STK3: variants seen among roughly 807,000 people sequenced by gnomAD.
STK3 encodes the protein serine/threonine kinase 3, also known as serine/threonine-protein kinase 3.
STK3 carries 41 observed loss-of-function variants against 58.0 expected under a neutral mutation model. That is an observed-to-expected ratio of 0.71 (90% CI 0.55 to 0.92). STK3 has a LOEUF of 0.92. Among genes scored for constraint, STK3 ranks in the 40% least tolerant of loss-of-function variants. The probability of loss-of-function intolerance (pLI) is 0.00; values close to 1 mark genes in which losing one functional copy is unlikely to be tolerated. For synonymous variants in STK3, 170 were observed against 191.0 expected (o/e 0.89, Z 0.91); for missense variants, 479 against 602.7 (o/e 0.79, Z 2.15).
intron 6 of STK3, among the ~76,000 whole-genome samples, chr8:98,638,755 A>G (rs1022798838): frequency 1.3e-5 from 2 of 152,196 alleles, no homozygotes; most frequent in African/African-American, 4.8e-5. Context: ...AGAGACAGGC[A>G]GCAGTGGGGT....
At chr8:98,650,385 C>A (rs903597929) in intron 6 of STK3, among the ~76,000 whole-genome samples, 1 of 152,248 alleles carries the variant, frequency 6.6e-6, no homozygotes, top group African/African-American at 2.4e-5. Flanking sequence ...AGGAACAACT[C>A]TGGTCTACAG....
the STK3 span, among the ~76,000 whole-genome samples, chr8:98,356,182 G>A: frequency 6.6e-6 from 1 of 152,234 alleles, no homozygotes; most frequent in South Asian, 2.1e-4. Flanking sequence ...CTGTCACACA[G>A]ACTTTTTTTC....
At chr8:98,757,950 G>A (rs538669698) in intron 3 of STK3, among the ~76,000 whole-genome samples, 34 of 152,298 alleles carry the variant, frequency 2.2e-4, no homozygotes, top group African/African-American at 8.2e-4. Flanking sequence ...TAGCCAGCAA[G>A]TTAACTAACT....
intron 6 of STK3, among the ~76,000 whole-genome samples, chr8:98,686,246 T>C (rs1823989952): frequency 6.6e-6 from 1 of 151,760 alleles, no homozygotes; most frequent in Non-Finnish European, 1.5e-5. Flanking sequence ...GGAAAGGGAG[T>C]AAAAGAATAC....
chr8:98,344,343 G>A, the STK3 span, among the ~76,000 whole-genome samples: 3 of 152,120 alleles, frequency 2.0e-5, no homozygotes, highest in Admixed American at 6.6e-5. Flanking sequence ...CCCTGTATCT[G>A]CAATGCAAAA....
downstream of STK3, among the ~76,000 whole-genome samples, chr8:98,368,762 C>A (rs1001271717): frequency 6.6e-6 from 1 of 152,144 alleles, no homozygotes; most frequent in Non-Finnish European, 1.5e-5. Context: ...TCTGATGGTG[C>A]CATCTTGGAG....
chr8:98,580,111 G>A (rs1186278524), intron 7 of STK3, among the ~76,000 whole-genome samples: 16 of 152,070 alleles, frequency 1.1e-4, no homozygotes, highest in Admixed American at 1.0e-3. Flanking sequence ...GTTAAAAATA[G>A]GATTACAGAT....
intron 1 of STK3, among the ~76,000 whole-genome samples, chr8:98,788,549 G>A (rs1043034765): frequency 6.6e-6 from 1 of 151,968 alleles, no homozygotes; most frequent in Admixed American, 6.6e-5. Context: ...AACACATAAG[G>A]ACTCACATAA....
intron 1 of STK3, among the ~76,000 whole-genome samples, chr8:98,795,111 T>C (rs559103735): frequency 1.0e-3 from 54 of 53,202 alleles, no homozygotes; most frequent in South Asian, 3.1e-3. Flanking sequence ...AAAATATATA[T>C]ATATATATAT....
At chr8:98,742,792 C>T (rs1286471687) in intron 4 of STK3, among the ~76,000 whole-genome samples, 1 of 149,600 alleles carries the variant, frequency 6.7e-6, no homozygotes, top group African/African-American at 2.5e-5. Flanking sequence ...GGCAAATTGT[C>T]CCTGTTTGCA....
chr8:98,598,536 A>C, intron 6 of STK3: 2 of 985,406 alleles, frequency 2.0e-6, no homozygotes, highest in Non-Finnish European at 2.4e-6. Flanking sequence ...TGACAGCCTT[A>C]CTGTACTAAT....
the STK3 span, among the ~76,000 whole-genome samples, chr8:98,349,069 G>A: frequency 1.3e-5 from 2 of 152,190 alleles, no homozygotes; most frequent in African/African-American, 2.4e-5. Context: ...AATATTATTT[G>A]GTGCTAAAGA....
At chr8:98,700,556 G>C (rs1390775376) in intron 6 of STK3, among the ~76,000 whole-genome samples, 1 of 152,160 alleles carries the variant, frequency 6.6e-6, no homozygotes, top group Non-Finnish European at 1.5e-5. Flanking sequence ...CTTAAACAGA[G>C]ATTGTCATGC....
chr8:98,761,984 T>C (rs1307680642), intron 3 of STK3, among the ~76,000 whole-genome samples: 1 of 152,154 alleles, frequency 6.6e-6, no homozygotes, highest in Non-Finnish European at 1.5e-5. Flanking sequence ...AAATGCTCTA[T>C]TTCACCATAA....
intron 3 of STK3, among the ~76,000 whole-genome samples, chr8:98,758,365 A>C (rs576739958): frequency 6.6e-6 from 1 of 152,354 alleles, no homozygotes; most frequent in South Asian, 2.1e-4. Context: ...ACTTCAGACC[A>C]ATATCTCTGA....
chr8:98,370,383 G>GTC (rs1476897465), downstream of STK3, among the ~76,000 whole-genome samples: 13 of 150,370 alleles, frequency 8.6e-5, no homozygotes, highest in African/African-American at 3.2e-4. Context: ...GTGTGTGTGT[G>GTC]TATCCTTAGA....
intron 1 of STK3, among the ~76,000 whole-genome samples, chr8:98,382,580 C>CTT (rs112919209): frequency 0.057 from 8,714 of 151,896 alleles, 618 homozygotes; most frequent in East Asian, 0.16. Context: ...GGGGAGCCTG[C>CTT]TTTTTTAGCT....
intron 9 of STK3, among the ~76,000 whole-genome samples, chr8:98,532,865 C>G (rs1186797824): frequency 6.6e-6 from 1 of 152,096 alleles, no homozygotes; most frequent in Non-Finnish European, 1.5e-5. Context: ...CTCTAGCAAC[C>G]ACCATTTTAC....
At chr8:98,826,454 A>G (rs1400975221), upstream of STK3, among the ~76,000 whole-genome samples, 2 of 152,140 alleles carry the variant, frequency 1.3e-5, no homozygotes, top group African/African-American at 4.8e-5. Context: ...ATCTCTCGGT[A>G]CACCAAATTC....
Sources: allele counts gnomAD v4.1 joint callset (sites outside exome capture counted in the v4.1 genomes callset), GRCh38; gene constraint gnomAD v4.1.1; transcripts MANE v1.5; gene names NCBI Gene and HGNC (gene_info 2026-07-23, HGNC 2026-07-21).